Variants in USH2A observed in about 807,000 individuals in gnomAD.
USH2A encodes the protein Usher syndrome 2A (autosomal recessive, mild).
In USH2A, 443 loss-of-function variants were observed where a neutral mutation model predicts 538.9. That is an observed-to-expected ratio of 0.82 (90% CI 0.76 to 0.89). The LOEUF is 0.89. Ranked by LOEUF, USH2A falls within the 40% of genes least tolerant of loss-of-function variation. The pLI, the probability that USH2A is intolerant of heterozygous loss-of-function variation, is 0.00. For missense variants in USH2A, 6,633 were observed against 6,324.8 expected, an observed-to-expected ratio of 1.05 and a Z score of -1.65; for synonymous variants, 2,413 against 2,273.5, an observed-to-expected ratio of 1.06 and a Z score of -1.75.
chr1:216,220,669 A>G lies in USH2A; in HGVS notation c.2994-3119T>C, dbSNP rs149283867. Among the ~76,000 whole-genome samples the G allele has an allele frequency of 3.0e-3, 462 of 152,130 alleles. 4 individuals carry two copies. The highest frequency in any genetic ancestry group is 0.011 in the African/African-American group (450 of 41,516). On this transcript the variant is annotated intron_variant, in intron 14 of 71. Transcript: ENST00000307340. The stretch of plus-strand genomic sequence containing the variant: ...TCAGTACTCCTGGATGTAAATTCAT[A>G]ATGAGAAATGGTGATAGATAAACCT...
chr1:215,684,793 T>A (rs536308035), intron 61 of USH2A, among the ~76,000 whole-genome samples: 2 of 152,334 alleles, frequency 1.3e-5, no homozygotes, highest in African/African-American at 4.8e-5. Flanking sequence ...CTGAAATGGA[T>A]GAGTTTTGGC....
chr1:215,817,085 T>G lies in USH2A; in HGVS notation c.9482A>C (p.Gln3161Pro). Residue 3161 changes from glutamine to proline, a missense_variant, in exon 48 of 72, where the codon CAG becomes CCG. Physicochemically the swap from Gln to Pro is moderately conservative, Grantham distance 76 (BLOSUM62 -1). Coordinates refer to ENST00000307340, the MANE Select transcript of USH2A (RefSeq NM_206933.4). ...YPCAKTQKLV[Q>P]DQSDELCKAV... ...CTTGCAGAGCTCATCACTCTGATCC[T>G]GCACTAACTTTTGAGTTTTAGCGCA... The G allele has an allele frequency of 6.2e-7, 1 of 1,612,920 alleles. No homozygotes were observed. The highest frequency in any genetic ancestry group is 8.5e-7 in the Non-Finnish European group (1 of 1,179,126).
intron 21 of USH2A, among the ~76,000 whole-genome samples, chr1:216,103,707 T>C (rs185853274): frequency 9.1e-4 from 138 of 152,124 alleles, no homozygotes; most frequent in Middle Eastern, 3.4e-3. Context: ...TACAACTCAA[T>C]AAAAAGCCAA....
rs554358144 is a variant in USH2A, at chr1:216,398,292, GA to G, written c.651+20221del. ...AGATGACTTTGCGAAGTAGGTAGAAGAAAAAAAATTAGGAATCTGAGGACTT... is the reference window on the plus strand; with the variant it reads ...AGATGACTTTGCGAAGTAGGTAGAAGAAAAAAATTAGGAATCTGAGGACTT... On this transcript the variant is annotated intron_variant, in intron 3 of 71. Transcript: ENST00000307340. Among the ~76,000 whole-genome samples, 264 of 151,954 alleles carry G rather than the reference GA, an allele frequency of 1.7e-3. 5 individuals are homozygous for G. Among genetic ancestry groups the G allele is most frequent in the African/African-American group, 6.0e-3 (249 of 41,466 alleles).
At chr1:215,708,699 C>T (rs1393338011) in intron 61 of USH2A, among the ~76,000 whole-genome samples, 1 of 152,102 alleles carries the variant, frequency 6.6e-6, no homozygotes, top group Non-Finnish European at 1.5e-5. Context: ...ATCTGTGGAG[C>T]AGATCTGTGC....
rs866201607 is a variant in USH2A at position 215,739,095 on chromosome 1, G to A, written c.11711+2280C>T. On this transcript the variant is annotated intron_variant, in intron 60 of 71. Transcript: ENST00000307340. Reference sequence around the variant, plus strand: ...ACGATTGTATCTGGAGCCCCAGTGCGCCATTTTCATTTCACTTTAAATAAA... The same window carrying A: ...ACGATTGTATCTGGAGCCCCAGTGCACCATTTTCATTTCACTTTAAATAAA... 3.9e-5 allele frequency among the ~76,000 whole-genome samples: 6 copies of A among 152,074 alleles called. 1 individual carries two copies. Among genetic ancestry groups the A allele is most frequent in the Admixed American group, 2.0e-4 (3 of 15,274 alleles).
At chr1:215,880,577 G>C (rs1319197426) in intron 41 of USH2A, among the ~76,000 whole-genome samples, 1 of 152,152 alleles carries the variant, frequency 6.6e-6, no homozygotes, top group African/African-American at 2.4e-5. Context: ...AACTAGCAAA[G>C]GTTGTAGCAC....
In USH2A at chr1:216,291,818, G is replaced by A. The variant is rs370252119; in HGVS notation, c.1840+357C>T. ...TCCAGACATAAAGGACAATAAAGGG[G>A]ACAAAAGGAAACTTACTTTAAGGAT... On this transcript the variant is annotated intron_variant, in intron 10 of 71. Transcript: ENST00000307340. Among the ~76,000 whole-genome samples, 5 of 152,228 alleles carry A rather than the reference G, an allele frequency of 3.3e-5. No homozygotes were observed. The South Asian group carries it at 1.0e-3, about 32-fold the overall frequency.
At chr1:215,933,666 T>C (rs888327324) in intron 38 of USH2A, among the ~76,000 whole-genome samples, 12 of 151,960 alleles carry the variant, frequency 7.9e-5, no homozygotes, top group African/African-American at 2.7e-4. Context: ...TGTGTTCTTA[T>C]ACTCTTCATA....
At chr1:216,059,856 G>A (rs1165768300) in intron 30 of USH2A, among the ~76,000 whole-genome samples, 1 of 152,160 alleles carries the variant, frequency 6.6e-6, no homozygotes, top group Non-Finnish European at 1.5e-5. Context: ...CAGAGTGGGA[G>A]GGGGCTGGTT....
At chr1:215,680,493 A>T in intron 61 of USH2A, 117 bp from the exon 62 acceptor site, 1 of 923,908 alleles carries the variant, frequency 1.1e-6, no homozygotes, top group East Asian at 2.4e-5. Context: ...CAGCGCAAAC[A>T]CTACAGCAGA....
At chr1:215,937,110 C>T (rs2102502059) in intron 37 of USH2A, among the ~76,000 whole-genome samples, 2 of 152,056 alleles carry the variant, frequency 1.3e-5, no homozygotes, top group South Asian at 4.2e-4. Flanking sequence ...AAAATTGGCA[C>T]ATCCAAATAA....
intron 67 of USH2A, among the ~76,000 whole-genome samples, chr1:215,645,100 T>C (rs1656804550): frequency 6.6e-6 from 1 of 152,146 alleles, no homozygotes. Context: ...TGGAGCAAAT[T>C]ACTGACTGAA....
chr1:216,135,477 A>G (rs2033468138), intron 21 of USH2A, among the ~76,000 whole-genome samples: 1 of 152,088 alleles, frequency 6.6e-6, no homozygotes, highest in Non-Finnish European at 1.5e-5. Context: ...TCTTATAGTG[A>G]TTTCCAATCT....
intron 44 of USH2A, among the ~76,000 whole-genome samples, chr1:215,851,228 C>A (rs1257095066): frequency 6.6e-6 from 1 of 151,724 alleles, no homozygotes; most frequent in Non-Finnish European, 1.5e-5. Flanking sequence ...AACAAACAAC[C>A]AAAACAATAC....
chr1:215,670,069 T>C (rs1229693439), intron 64 of USH2A, among the ~76,000 whole-genome samples: 4 of 152,346 alleles, frequency 2.6e-5, no homozygotes, highest in African/African-American at 7.2e-5. Context: ...TGTGAGTTTA[T>C]GGAATTAAAA....
chr1:216,000,345 G>A, intron 33 of USH2A, 58 bp downstream of exon 33: 1 of 1,605,494 alleles, frequency 6.2e-7, no homozygotes, highest in South Asian at 1.1e-5. Context: ...TCCCCTGATT[G>A]AACTCACTGA....
chr1:216,096,310 T>C (rs2032440225), intron 22 of USH2A, among the ~76,000 whole-genome samples: 1 of 152,192 alleles, frequency 6.6e-6, no homozygotes, highest in Non-Finnish European at 1.5e-5. Context: ...ATTTGCTATT[T>C]CCTTAATATT....
chr1:216,218,888 C>T (rs896087732), intron 14 of USH2A, among the ~76,000 whole-genome samples: 15 of 151,920 alleles, frequency 9.9e-5, no homozygotes, highest in African/African-American at 2.4e-4. Context: ...ACTTGATTTG[C>T]TCTTAATTTC....
Sources: gnomAD v4.1 joint callset for allele counts (sites outside exome capture counted in the v4.1 genomes callset) on GRCh38, gnomAD v4.1.1 for gene constraint, MANE v1.5 for transcripts, NCBI Gene and HGNC (gene_info 2026-07-23, HGNC 2026-07-21) for gene names.